Variants in CEP152 observed in about 807,000 individuals in gnomAD.
The protein encoded by CEP152 is centrosomal protein of 152 kDa.
In CEP152, 132 loss-of-function variants were observed where a neutral mutation model predicts 188.9. That is an observed-to-expected ratio of 0.70 (90% CI 0.61 to 0.81). CEP152 has a LOEUF of 0.81. Ranked by LOEUF, CEP152 falls within the 30% of genes least tolerant of loss-of-function variation. CEP152 has a pLI of 0.00. For missense variants in CEP152, 1,914 were observed against 1,969.8 expected (o/e 0.97, Z 0.54); for synonymous variants, 649 against 666.6 (o/e 0.97, Z 0.41).
chr15:48,803,792 A>C (rs1897817068), intron 2 of CEP152, among the ~76,000 whole-genome samples: 2 of 152,170 alleles, frequency 1.3e-5, no homozygotes, highest in Non-Finnish European at 2.9e-5. Flanking sequence ...TCTCTCTAAT[A>C]TATTTCTCAA....
At position 48,775,060 on chromosome 15, in the gene CEP152, G is replaced by A. The variant is rs556779580; in HGVS notation, c.1578-2369C>T. On this transcript the variant is annotated intron_variant, in intron 12 of 26. Transcript: ENST00000380950. ...TAGAGTATAGAGGACAAGAAAAAAA[G>A]GAGTGAACTTGAAAATAGTCCAGTA... Among the ~76,000 whole-genome samples the A allele has an allele frequency of 4.6e-5, 7 of 151,934 alleles. No individual in the cohort carries two copies. The East Asian group carries it at 9.7e-4, about 21-fold the overall frequency.
chr15:48,769,713 C>G (rs1479444121), intron 13 of CEP152, among the ~76,000 whole-genome samples: 1 of 152,146 alleles, frequency 6.6e-6, no homozygotes, highest in African/African-American at 2.4e-5. Flanking sequence ...ATCATATGTT[C>G]TCCTACTAAG....
downstream of CEP152, among the ~76,000 whole-genome samples, chr15:48,733,939 T>G (rs187843785): frequency 6.6e-6 from 1 of 152,068 alleles, no homozygotes; most frequent in African/African-American, 2.4e-5. Flanking sequence ...TGAAATATAT[T>G]CCAAAATCCA....
chr15:48,738,898 G>A lies in CEP152; in HGVS notation c.4484C>T (p.Ala1495Val), dbSNP rs763494656. The A allele has an allele frequency of 2.5e-6, 4 of 1,614,208 alleles. No homozygotes were observed. Among genetic ancestry groups the A allele is most frequent in the South Asian group, 2.2e-5 (2 of 91,082 alleles). Residue 1495 changes from alanine to valine, a missense_variant, in exon 27 of 27, where the codon GCA becomes GTA. Coordinates refer to ENST00000380950, the MANE Select transcript of CEP152 (RefSeq NM_001194998.2). ...TCCTAAGGTTCCAAGAAAGGGGTAT[G>A]CAGCTGAATGCGGAAGTGATTCAGA... ...NGSESLPHSA[A>V]YPFLGTLGNK... is the part of the protein sequence containing the mutation.
rs1897106362 is a variant in CEP152 at position 48,793,372 on chromosome 15, C to A, written c.781G>T (p.Glu261Ter). The A allele has an allele frequency of 6.2e-7, 1 of 1,613,892 alleles. No individual in the cohort carries two copies. Among genetic ancestry groups the A allele is most frequent in the African/African-American group, 1.3e-5 (1 of 74,928 alleles). ...AGATATCGAATTTGACGTTCACTTT[C>A]ATTTAACTTTTCAATTAAGTTCTCC... is the stretch of plus-strand genomic sequence containing the variant. ...QLENLIEKLN[E>*]SERQIRYLNH... The change falls in exon 7 of 27, where the codon GAA (glutamate) becomes TAA (stop). Residue 261 changes from glutamate to a stop codon, truncating the protein, a stop_gained. Coordinates refer to ENST00000380950, the MANE Select transcript of CEP152 (RefSeq NM_001194998.2). LOFTEE classifies it high-confidence loss of function.
At chr15:48,784,732 T>C (rs934130164) in intron 9 of CEP152, among the ~76,000 whole-genome samples, 1 of 152,172 alleles carries the variant, frequency 6.6e-6, no homozygotes, top group African/African-American at 2.4e-5. Context: ...TGCAGTGCCT[T>C]AGACATATCA....
intron 1 of CEP152, among the ~76,000 whole-genome samples, chr15:48,808,179 C>A (rs900162761): frequency 1.3e-5 from 2 of 150,384 alleles, no homozygotes; most frequent in Admixed American, 6.6e-5. Flanking sequence ...AAGCTAATAC[C>A]TTAACTTATT....
chr15:48,805,386 G>A, intron 2 of CEP152, 177 bp downstream of exon 2: 1 of 722,620 alleles, frequency 1.4e-6, no homozygotes, highest in Non-Finnish European at 2.2e-6. Flanking sequence ...AAAAACAGAA[G>A]CATTCCACTT....
chr15:48,771,305 C>T (rs896212085), intron 13 of CEP152, among the ~76,000 whole-genome samples: 9 of 152,144 alleles, frequency 5.9e-5, no homozygotes, highest in African/African-American at 1.9e-4. Context: ...CTTCATTTTC[C>T]GAACTGAAGA....
At chr15:48,793,683 C>T (rs943592164) in intron 6 of CEP152, among the ~76,000 whole-genome samples, 2 of 152,022 alleles carry the variant, frequency 1.3e-5, no homozygotes, top group Non-Finnish European at 2.9e-5. Context: ...TTTATATATA[C>T]CTGTTCATAT....
At chr15:48,763,660 G>C (rs933750354) in intron 17 of CEP152, among the ~76,000 whole-genome samples, 3 of 152,076 alleles carry the variant, frequency 2.0e-5, no homozygotes, top group African/African-American at 7.2e-5. Flanking sequence ...GAGACAGAGC[G>C]AGGCTCCGTC....
chr15:48,768,619 G>A (rs1425532937), intron 14 of CEP152, among the ~76,000 whole-genome samples: 2 of 152,162 alleles, frequency 1.3e-5, no homozygotes, highest in Non-Finnish European at 2.9e-5. Context: ...GCTAGCTGAT[G>A]CCTTAAAATA....
chr15:48,784,162 T>G (rs535745340), intron 9 of CEP152, 42 bp from the exon 10 acceptor site: 1 of 1,578,884 alleles, frequency 6.3e-7, no homozygotes, highest in African/African-American at 1.3e-5. Context: ...TCATAAAGAG[T>G]TTTAATAAAG....
intron 13 of CEP152, 141 bp downstream of exon 13, chr15:48,772,346 G>A: frequency 1.4e-6 from 1 of 715,738 alleles, no homozygotes; most frequent in Non-Finnish European, 2.4e-6. Flanking sequence ...GGGAGGTTGA[G>A]GCTACAGGGA....
chr15:48,772,466 A>C, intron 13 of CEP152, 21 bp downstream of exon 13: 1 of 1,598,326 alleles, frequency 6.3e-7, no homozygotes, highest in East Asian at 2.2e-5. Flanking sequence ...ATGGTTTTTT[A>C]ACTCTATAGG....
chr15:48,770,096 C>T (rs1895416445), intron 13 of CEP152, among the ~76,000 whole-genome samples: 1 of 152,140 alleles, frequency 6.6e-6, no homozygotes, highest in Non-Finnish European at 1.5e-5. Flanking sequence ...TGAGAGTTTT[C>T]CTTATCTACT....
Position 48,744,324 on chromosome 15 carries a change from T to C in CEP152, c.3751A>G (p.Ile1251Val), listed in dbSNP as rs763581618. The C allele has an allele frequency of 8.1e-6, 13 of 1,613,946 alleles. No homozygotes were observed. In the East Asian group the frequency reaches 2.2e-4, roughly 28 times the overall value. Residue 1251 changes from isoleucine to valine, a missense_variant, in exon 24 of 27, where the codon ATT (isoleucine) becomes GTT (valine). Transcript: ENST00000380950. ...TPPRSLSAGA[I>V]ENACLPCSGG... ...CTGCATGGCAGGCAAGCATTTTCAA[T>C]GGCCCCTGCTGACAATGACCTAAAA...
intron 2 of CEP152, among the ~76,000 whole-genome samples, chr15:48,732,832 G>A (rs571115309): frequency 6.6e-6 from 1 of 152,102 alleles, no homozygotes; most frequent in African/African-American, 2.4e-5. Context: ...GCCAAATGTG[G>A]CCAGGTCTGG....
Position 48,781,352 on chromosome 15 carries a change from A to C in CEP152, c.1421T>G (p.Leu474Ter). Residue 474 changes from leucine (L) to a stop codon, truncating the protein, a stop_gained, in exon 12 of 27, where the codon TTA becomes TGA. Transcript: ENST00000380950. LOFTEE classifies it high-confidence loss of function. ...AGAAATTTCATCTTTTAGTTCTGTT[A>C]ATTCTTCCTACAACACAAAATTATT... ...ANMNKALQEE[L>*]TELKDEISLY... 6.3e-7 allele frequency: 1 copy of C among 1,599,054 alleles called. No individual in the cohort carries two copies. Among genetic ancestry groups the C allele is most frequent in the Non-Finnish European group, 8.6e-7 (1 of 1,167,432 alleles).
Sources: gnomAD v4.1 joint callset for allele counts (sites outside exome capture counted in the v4.1 genomes callset) on GRCh38, gnomAD v4.1.1 for gene constraint, MANE v1.5 for transcripts, NCBI Gene and HGNC (gene_info 2026-07-23, HGNC 2026-07-21) for gene names.